MCEE: variants seen among roughly 807,000 people sequenced by gnomAD.
MCEE encodes methylmalonyl-CoA epimerase, mitochondrial.
In MCEE, 6 loss-of-function variants were observed where a neutral mutation model predicts 12.9. The observed-to-expected ratio is 0.47, with a 90% CI of 0.26 to 0.92. The LOEUF is 0.92. Among genes scored for constraint, MCEE ranks in the 40% least tolerant of loss-of-function variants. MCEE has a pLI of 0.16. For missense variants in MCEE, 214 were observed against 212.1 expected, an observed-to-expected ratio of 1.01 and a Z score of -0.05; for synonymous variants, 78 against 77.9, an observed-to-expected ratio of 1.00 and a Z score of -0.01.
intron 2 of MCEE, among the ~76,000 whole-genome samples, chr2:71,115,984 G>A (rs1160630025): frequency 6.7e-6 from 1 of 150,138 alleles, no homozygotes; most frequent in African/African-American, 2.5e-5. Context: ...GGGGGGTTAT[G>A]GTTTTTTAAA....
chr2:71,115,929 T>C (rs1403413208), intron 2 of MCEE, among the ~76,000 whole-genome samples: 2 of 149,628 alleles, frequency 1.3e-5, no homozygotes, highest in African/African-American at 2.6e-5. Context: ...AACCTGCACG[T>C]TCTGCACATG....
At chr2:71,118,752 G>A (rs1394912984) in intron 2 of MCEE, among the ~76,000 whole-genome samples, 1 of 150,004 alleles carries the variant, frequency 6.7e-6, no homozygotes, top group African/African-American at 2.5e-5. Flanking sequence ...ATCACTTTGG[G>A]GTTATGATTT....
At chr2:71,113,249 T>C (rs951038539) in intron 2 of MCEE, among the ~76,000 whole-genome samples, 1 of 152,228 alleles carries the variant, frequency 6.6e-6, no homozygotes, top group African/African-American at 2.4e-5. Context: ...ATTTCATGAA[T>C]TCTATAATAT....
At chr2:71,117,464 T>C (rs2103624908) in intron 2 of MCEE, 1 of 150,572 alleles carries the variant, frequency 6.6e-6, no homozygotes, top group East Asian at 1.9e-4. Context: ...AAGGAGAATA[T>C]TTTCCTTTCT....
chr2:71,112,395 A>G (rs569849942), intron 2 of MCEE, among the ~76,000 whole-genome samples: 20 of 146,284 alleles, frequency 1.4e-4, no homozygotes, highest in African/African-American at 3.8e-4. Context: ...TCTGACTCCC[A>G]AAGTGCTGGG....
chr2:71,125,211 A>ATATATATATATATATATATATTTTTT, intron 1 of MCEE, among the ~76,000 whole-genome samples: 3 of 48,608 alleles, frequency 6.2e-5, no homozygotes, highest in African/African-American at 1.2e-4. Flanking sequence ...ATATATATAT[A>ATATATATATATATATATATATTTTTT]TTTTTTTTTT....
rs185148243 is a variant in MCEE at position 71,121,063 on chromosome 2, G to A, written c.378+3143C>T. On this transcript the variant is annotated intron_variant, in intron 2 of 2. Transcript: ENST00000244217. ...CACCACTTTTTAAAAATCACCAAGC[G>A]TGGCATCCATTGATGGCCTCCAGTA... Among the ~76,000 whole-genome samples, 18 of 152,220 alleles carry A rather than the reference G, an allele frequency of 1.2e-4. No homozygotes were observed. The East Asian group carries it at 3.1e-3, about 26-fold the overall frequency.
At chr2:71,127,138 G>A (rs1237350318) in intron 1 of MCEE, among the ~76,000 whole-genome samples, 1 of 152,202 alleles carries the variant, frequency 6.6e-6, no homozygotes, top group African/African-American at 2.4e-5. Flanking sequence ...ATGTAAAGAT[G>A]AATACAGATT....
intron 1 of MCEE, among the ~76,000 whole-genome samples, chr2:71,125,205 A>ATTTTTTTTTT (rs1342992417): frequency 2.3e-5 from 1 of 42,656 alleles, no homozygotes; most frequent in Non-Finnish European, 5.2e-5. Context: ...ATATATATAT[A>ATTTTTTTTTT]TATATATTTT....
At position 71,112,655 on chromosome 2, in the gene MCEE, C is replaced by T. The variant is rs773968954; in HGVS notation, c.379-2533G>A. Among the ~76,000 whole-genome samples the T allele has an allele frequency of 5.9e-5, 9 of 152,098 alleles. No individual in the cohort carries two copies. In the South Asian group the frequency reaches 1.7e-3, roughly 28 times the overall value. ...TTCACCATGTTGGCCAGGCTGGTCT[C>T]GAACTCCTGAACTCAAGTGATCTGC... On this transcript the variant is annotated intron_variant, in intron 2 of 2. Transcript: ENST00000244217.
At chr2:71,127,361 A>G (rs530803433) in intron 1 of MCEE, among the ~76,000 whole-genome samples, 1 of 152,370 alleles carries the variant, frequency 6.6e-6, no homozygotes, top group South Asian at 2.1e-4. Context: ...CTGAATACAT[A>G]AAGGTTTAGC....
At chr2:71,117,157 A>G (rs2103624349) in intron 2 of MCEE, among the ~76,000 whole-genome samples, 1 of 150,774 alleles carries the variant, frequency 6.6e-6, no homozygotes, top group Non-Finnish European at 1.5e-5. Flanking sequence ...GTCTGGATTA[A>G]GTATTTGTTG....
intron 1 of MCEE, among the ~76,000 whole-genome samples, chr2:71,124,993 A>G (rs1673186602): frequency 6.6e-6 from 1 of 151,526 alleles, no homozygotes; most frequent in South Asian, 2.1e-4. Flanking sequence ...AAAAGAGTAC[A>G]TACAGTACTC....
chr2:71,110,232 C>A, intron 2 of MCEE, 110 bp from the exon 3 acceptor site: 1 of 886,738 alleles, frequency 1.1e-6, no homozygotes, highest in East Asian at 2.6e-5. Context: ...ATCTCCTCTG[C>A]CTGTGGGCAG....
rs551776499 is a variant in MCEE at position 71,129,938 on chromosome 2, G to C, written c.40+242C>G. On this transcript the variant is annotated intron_variant, in intron 1 of 2. Transcript: ENST00000244217. ...TCCCGCCCACATACTGGAAGGTGCA[G>C]AGCCCAAGGCGCACAGCTCTCGGAT... is the stretch of plus-strand genomic sequence containing the variant. 295 of 605,928 alleles carry C rather than the reference G, an allele frequency of 4.9e-4. 1 individual carries two copies. The highest frequency in any genetic ancestry group is 8.2e-4 in the Non-Finnish European group (275 of 335,330). 37.5% of individuals were successfully genotyped at this position (605,928 alleles called of 1,614,324 possible). A position where few individuals can be genotyped will look rare whatever the true frequency, so the allele number is the denominator to read the frequency against.
chr2:71,110,623 T>A (rs1672867551), intron 2 of MCEE: 1 of 154,960 alleles, frequency 6.5e-6, no homozygotes, highest in African/African-American at 2.4e-5. Context: ...CCAAAACACC[T>A]GGTTATTACC....
intron 2 of MCEE, among the ~76,000 whole-genome samples, chr2:71,113,955 A>G (rs1021190385): frequency 1.3e-5 from 2 of 152,234 alleles, no homozygotes; most frequent in African/African-American, 4.8e-5. Flanking sequence ...CCCAAAATCA[A>G]TAACATGAGT....
chr2:71,116,408 C>G (rs374514566), intron 2 of MCEE, among the ~76,000 whole-genome samples: 3 of 149,772 alleles, frequency 2.0e-5, no homozygotes, highest in Admixed American at 2.0e-4. Flanking sequence ...CCAGCTATTT[C>G]CTTTTTCTTT....
At chr2:71,112,593 G>A (rs1271513142) in intron 2 of MCEE, among the ~76,000 whole-genome samples, 1 of 151,818 alleles carries the variant, frequency 6.6e-6, no homozygotes, top group Non-Finnish European at 1.5e-5. Context: ...GTGCCACCAT[G>A]CCTGGCTAAT....
Sources: allele counts gnomAD v4.1 joint callset (sites outside exome capture counted in the v4.1 genomes callset), GRCh38; gene constraint gnomAD v4.1.1; transcripts MANE v1.5; gene names NCBI Gene and HGNC (gene_info 2026-07-23, HGNC 2026-07-21).